LRSAM1: variants seen among roughly 807,000 people sequenced by gnomAD.
LRSAM1 encodes the protein E3 ubiquitin-protein ligase LRSAM1.
In LRSAM1, 96 loss-of-function variants were observed where a neutral mutation model predicts 118.1. The observed-to-expected ratio is 0.81, with a 90% CI of 0.69 to 0.96. LRSAM1 has a LOEUF of 0.96. Ranked by LOEUF, LRSAM1 falls within the 40% of genes least tolerant of loss-of-function variation. The probability of loss-of-function intolerance (pLI) is 0.00; values close to 1 mark genes in which losing one functional copy is unlikely to be tolerated. For missense variants in LRSAM1, 804 were observed against 915.5 expected (o/e 0.88, Z 1.57); for synonymous variants, 322 against 364.2 (o/e 0.88, Z 1.32).
chr9:127,491,035 C>T (rs1488079625), intron 19 of LRSAM1, among the ~76,000 whole-genome samples, 180 bp from the exon 20 acceptor site: 1 of 152,066 alleles, frequency 6.6e-6, no homozygotes, highest in Non-Finnish European at 1.5e-5. Context: ...CATGAAGGAA[C>T]GAATTCTTGT....
intron 3 of LRSAM1, 48 bp downstream of exon 3, chr9:127,454,647 T>TC: frequency 6.4e-7 from 1 of 1,573,906 alleles, no homozygotes; most frequent in Non-Finnish European, 8.7e-7. Flanking sequence ...TCCTCCTCGG[T>TC]CCCCATGGAG....
chr9:127,466,504 A>ATATATATATATATATAT (rs1554755061), intron 9 of LRSAM1, among the ~76,000 whole-genome samples: 2 of 24,530 alleles, frequency 8.2e-5, no homozygotes, highest in African/African-American at 1.5e-4. Context: ...ATATATATAT[A>ATATATATATATATATAT]TTTTTTTTTT....
intron 16 of LRSAM1, among the ~76,000 whole-genome samples, chr9:127,483,507 G>A (rs1344187888): frequency 6.6e-6 from 1 of 151,834 alleles, no homozygotes; most frequent in South Asian, 2.1e-4. Flanking sequence ...AATAAATGTT[G>A]GTGATCCATA....
At chr9:127,458,244 C>T (rs970144235) in intron 6 of LRSAM1, among the ~76,000 whole-genome samples, 20 of 151,910 alleles carry the variant, frequency 1.3e-4, no homozygotes, top group South Asian at 2.1e-4. Flanking sequence ...TAGCCGGGCG[C>T]GGTGGCGGGC....
chr9:127,500,957 G>A lies in LRSAM1; in HGVS notation c.1913-53G>A. ...GCAGGGCCACAATGAGCCCCCAGGG[G>A]TTAGGGTCAGCGGAGATGACCCTGG... On this transcript the variant is annotated intron_variant, in intron 24 of 25. Coordinates refer to ENST00000300417, the MANE Select transcript of LRSAM1 (RefSeq NM_001005373.4). The A allele has an allele frequency of 3.1e-6, 5 of 1,612,928 alleles. No homozygotes were observed. The South Asian group carries it at 5.5e-5, about 18-fold the overall frequency.
Position 127,503,223 on chromosome 9 carries a change from G to A in LRSAM1, c.*324G>A, listed in dbSNP as rs1218997108. On this transcript the variant is annotated 3_prime_UTR_variant, in exon 26 of 26. Transcript: ENST00000300417. ...CCAGCTGTCTTGACTGAAGGCCACCGCCCCTGCAGGAGCTTGGGTCCTCAT... is the reference window on the plus strand; with the variant it reads ...CCAGCTGTCTTGACTGAAGGCCACCACCCCTGCAGGAGCTTGGGTCCTCAT... The A allele has an allele frequency of 1.3e-5, 5 of 388,638 alleles. No homozygotes were observed. Among genetic ancestry groups the A allele is most frequent in the Non-Finnish European group, 2.5e-5 (5 of 202,690 alleles). 24.1% of individuals were successfully genotyped at this position (388,638 alleles called of 1,614,324 possible). A position where few individuals can be genotyped will look rare whatever the true frequency, so the allele number is the denominator to read the frequency against.
Position 127,503,073 on chromosome 9 carries a change from G to A in LRSAM1, c.*174G>A. ...GCTCCAAGCATGTCTGGGCCAGGCA[G>A]AGGTGCTCCTCATCCATGACACCAC... On this transcript the variant is annotated 3_prime_UTR_variant, in exon 26 of 26. Coordinates refer to ENST00000300417, the MANE Select transcript of LRSAM1 (RefSeq NM_001005373.4). The A allele has an allele frequency of 1.2e-6, 1 of 833,192 alleles. No individual in the cohort carries two copies. Among genetic ancestry groups the A allele is most frequent in the Non-Finnish European group, 1.9e-6 (1 of 531,340 alleles). The allele number at this position is 833,192 out of a possible 1,614,324, so 51.6% of individuals were successfully genotyped here.
chr9:127,468,428 A>G (rs1588109005), intron 10 of LRSAM1, among the ~76,000 whole-genome samples: 1 of 152,270 alleles, frequency 6.6e-6, no homozygotes, highest in East Asian at 1.9e-4. Flanking sequence ...CACTGGCTGG[A>G]GGCGGGAGGA....
At chr9:127,487,302 G>C (rs1175063720) in intron 17 of LRSAM1, among the ~76,000 whole-genome samples, 1 of 152,128 alleles carries the variant, frequency 6.6e-6, no homozygotes, top group Non-Finnish European at 1.5e-5. Context: ...AGAGTGCCGG[G>C]AAGGACAGCT....
Position 127,457,348 on chromosome 9 carries a change from C to T in LRSAM1, c.207C>T (p.Ser69=), listed in dbSNP as rs1273717712. ...VLIVHTNHLT[S]LLPKSCSLLS... ...TCGTCCACACGAATCACCTCACTTCCCTGCTTCCCAAATCCTGCAGCCTCC... is the reference window on the plus strand; with the variant it reads ...TCGTCCACACGAATCACCTCACTTCTCTGCTTCCCAAATCCTGCAGCCTCC... The change falls in exon 6 of 26, where the codon TCC becomes TCT. Residue 69 remains serine, a synonymous_variant. Transcript: ENST00000300417. The T allele has an allele frequency of 1.9e-6, 3 of 1,614,254 alleles. No individual in the cohort carries two copies. The highest frequency in any genetic ancestry group is 1.1e-5 in the South Asian group (1 of 91,088).
chr9:127,502,702 A>G (rs1432744632), intron 25 of LRSAM1, 72 bp from the exon 26 acceptor site: 2 of 1,447,604 alleles, frequency 1.4e-6, no homozygotes, highest in Admixed American at 5.0e-5. Context: ...AAAAAAAAAA[A>G]AAAAAAAAGA....
Position 127,503,004 on chromosome 9 carries a change from C to T in LRSAM1, c.*105C>T, listed in dbSNP as rs1004020558. The T allele has an allele frequency of 3.4e-6, 5 of 1,463,316 alleles. No homozygotes were observed. The highest frequency in any genetic ancestry group is 1.4e-5 in the African/African-American group (1 of 71,418). 90.6% of individuals were successfully genotyped at this position (1,463,316 alleles called of 1,614,324 possible). A position where few individuals can be genotyped will look rare whatever the true frequency, so the allele number is the denominator to read the frequency against. Reference sequence around the variant, plus strand: ...AGCCAGACTCGTATGAGGCTCCCCCCTGCCCTGGGCCCCTTCCCCACTGCC... The same window carrying T: ...AGCCAGACTCGTATGAGGCTCCCCCTTGCCCTGGGCCCCTTCCCCACTGCC... On this transcript the variant is annotated 3_prime_UTR_variant, in exon 26 of 26. Transcript: ENST00000300417.
At chr9:127,475,799 G>C (rs1484401416) in intron 11 of LRSAM1, among the ~76,000 whole-genome samples, 4 of 151,862 alleles carry the variant, frequency 2.6e-5, no homozygotes, top group African/African-American at 9.7e-5. Flanking sequence ...GGAGTGCAGT[G>C]GTGCAATCTT....
At position 127,462,345 on chromosome 9, in the gene LRSAM1, A is replaced by G. The variant is rs1834781289; in HGVS notation, c.500A>G (p.Gln167Arg). 4 of 1,614,082 alleles carry G rather than the reference A, an allele frequency of 2.5e-6. No individual in the cohort carries two copies. Among genetic ancestry groups the G allele is most frequent in the Non-Finnish European group, 3.4e-6 (4 of 1,179,980 alleles). Reference sequence around the variant, plus strand: ...GGAAACGAGATCCAGAGATTGCCGCAGATGCTGGCTCACGTTCGAACCCTG... The same window carrying G: ...GGAAACGAGATCCAGAGATTGCCGCGGATGCTGGCTCACGTTCGAACCCTG... The part of the protein sequence containing the change: ...ISGNEIQRLP[Q>R]MLAHVRTLEM... Residue 167 changes from glutamine to arginine, a missense_variant, in exon 9 of 26, where the codon CAG becomes CGG. By Grantham distance (43) the Gln-to-Arg change is conservative. Transcript: ENST00000300417.
At chr9:127,479,330 T>A in intron 12 of LRSAM1, 53 bp from the exon 13 acceptor site, 2 of 1,613,456 alleles carry the variant, frequency 1.2e-6, no homozygotes, top group Non-Finnish European at 1.7e-6. Context: ...GACTTCTGTG[T>A]CCTAACTCCC....
intron 24 of LRSAM1, among the ~76,000 whole-genome samples, chr9:127,500,710 A>G (rs1285944452): frequency 1.3e-5 from 2 of 152,248 alleles, no homozygotes; most frequent in Non-Finnish European, 2.9e-5. Flanking sequence ...GCCAAGCCCT[A>G]CTTGCAGGGT....
chr9:127,477,673 C>A (rs2132057644), intron 11 of LRSAM1, among the ~76,000 whole-genome samples: 1 of 152,128 alleles, frequency 6.6e-6, no homozygotes, highest in East Asian at 1.9e-4. Context: ...TCACTAGAGC[C>A]CAGGAGGTCG....
chr9:127,457,445 G>T (rs1429954799), intron 6 of LRSAM1, 52 bp downstream of exon 6: 2 of 1,559,748 alleles, frequency 1.3e-6, no homozygotes, highest in South Asian at 1.1e-5. Flanking sequence ...GTTCCACGCG[G>T]CAGCTGAGCG....
chr9:127,500,851 A>T (rs908701973), intron 24 of LRSAM1, among the ~76,000 whole-genome samples, 159 bp from the exon 25 acceptor site: 9 of 152,124 alleles, frequency 5.9e-5, no homozygotes, highest in Admixed American at 1.3e-4. Flanking sequence ...AGAAGAAGAG[A>T]GTGTGTGGCA....
Sources: allele counts gnomAD v4.1 joint callset (sites outside exome capture counted in the v4.1 genomes callset), GRCh38; gene constraint gnomAD v4.1.1; transcripts MANE v1.5; gene names NCBI Gene and HGNC (gene_info 2026-07-23, HGNC 2026-07-21).